The following CDH12 variants were observed in gnomAD, a reference collection of about 807,000 sequenced individuals.
CDH12 encodes cadherin 12, also known as cadherin-12.
CDH12 carries 41 observed loss-of-function variants against 74.1 expected under a neutral mutation model. The ratio of observed to expected loss-of-function variants is 0.55; its 90% CI spans 0.43 to 0.72. The LOEUF (loss-of-function observed/expected upper bound fraction) is 0.72. Among genes scored for constraint, CDH12 ranks in the 30% least tolerant of loss-of-function variants. The pLI, the probability that CDH12 is intolerant of heterozygous loss-of-function variation, is 0.00. For synonymous variants in CDH12, 399 were observed against 355.0 expected, an observed-to-expected ratio of 1.12 and a Z score of -1.39; for missense variants, 945 against 977.2, an observed-to-expected ratio of 0.97 and a Z score of 0.44.
chr5:22,030,113 T>TGGGG (rs1738708331), intron 5 of CDH12, among the ~76,000 whole-genome samples: 1 of 18,994 alleles, frequency 5.3e-5, no homozygotes. Context: ...GGGACGGTTG[T>TGGGG]GGGGTGGGGG....
At chr5:22,720,053 C>A (rs993532069) in intron 1 of CDH12, among the ~76,000 whole-genome samples, 1 of 151,738 alleles carries the variant, frequency 6.6e-6, no homozygotes, top group Non-Finnish European at 1.5e-5. Context: ...CACACACACA[C>A]ACACACAGAA....
chr5:22,173,359 A>G (rs532847534), intron 4 of CDH12, among the ~76,000 whole-genome samples: 2,368 of 146,668 alleles, frequency 0.016, 28 homozygotes, highest in Non-Finnish European at 0.021. Flanking sequence ...TGAAATTTAT[A>G]TAATTATAAT....
intron 4 of CDH12, among the ~76,000 whole-genome samples, chr5:22,102,618 C>T (rs1237566736): frequency 1.3e-5 from 2 of 151,818 alleles, no homozygotes; most frequent in Non-Finnish European, 2.9e-5. Flanking sequence ...GCAGTCATCG[C>T]GTCACTGCAT....
intron 3 of CDH12, among the ~76,000 whole-genome samples, chr5:22,244,296 T>A (rs189946815): frequency 6.6e-6 from 1 of 151,686 alleles, no homozygotes; most frequent in African/African-American, 2.4e-5. Context: ...TCGAGCCCAG[T>A]CTGACTAACA....
At chr5:22,218,532 T>C (rs566740695) in intron 3 of CDH12, among the ~76,000 whole-genome samples, 41 of 151,928 alleles carry the variant, frequency 2.7e-4, no homozygotes, top group African/African-American at 9.6e-4. Context: ...TATGGAAATT[T>C]ATCTGTAATG....
intron 1 of CDH12, among the ~76,000 whole-genome samples, chr5:22,761,557 C>T (rs1561012588): frequency 6.6e-6 from 1 of 152,092 alleles, no homozygotes; most frequent in South Asian, 2.1e-4. Flanking sequence ...TATGCCAAAT[C>T]TCCTATGAAG....
intron 1 of CDH12, among the ~76,000 whole-genome samples, chr5:22,775,796 G>A (rs1378501188): frequency 2.0e-5 from 3 of 151,846 alleles, no homozygotes; most frequent in Non-Finnish European, 2.9e-5. Context: ...CTGTGTCCCC[G>A]CCCAGCTCTC....
intron 3 of CDH12, among the ~76,000 whole-genome samples, chr5:22,321,673 C>T (rs1283163158): frequency 1.3e-5 from 2 of 151,924 alleles, no homozygotes; most frequent in Non-Finnish European, 2.9e-5. Flanking sequence ...AAAAGAAAGG[C>T]ATCACTATAC....
At chr5:21,804,522 G>A (rs1243747338) in intron 9 of CDH12, among the ~76,000 whole-genome samples, 1 of 152,012 alleles carries the variant, frequency 6.6e-6, no homozygotes, top group Non-Finnish European at 1.5e-5. Context: ...ACATTACTTA[G>A]GATTATTCTT....
intron 5 of CDH12, among the ~76,000 whole-genome samples, chr5:22,000,916 A>G (rs532522895): frequency 7.2e-5 from 11 of 152,202 alleles, no homozygotes; most frequent in Non-Finnish European, 1.5e-4. Flanking sequence ...GTTTACTTAC[A>G]TTATTAGAAA....
At chr5:21,881,065 A>G (rs944297108) in intron 6 of CDH12, among the ~76,000 whole-genome samples, 2 of 152,134 alleles carry the variant, frequency 1.3e-5, no homozygotes, top group Non-Finnish European at 2.9e-5. Flanking sequence ...CTATTAAGTG[A>G]CCACTATTTT....
intron 1 of CDH12, among the ~76,000 whole-genome samples, chr5:22,753,933 T>C (rs892256896): frequency 4.6e-5 from 7 of 152,282 alleles, no homozygotes; most frequent in Admixed American, 2.6e-4. Flanking sequence ...TATTCCTTCA[T>C]TTTTCCTCTT....
At chr5:22,757,719 G>C (rs1337125599) in intron 1 of CDH12, among the ~76,000 whole-genome samples, 1 of 152,070 alleles carries the variant, frequency 6.6e-6, no homozygotes, top group Non-Finnish European at 1.5e-5. Context: ...ATAATCCTTA[G>C]TGACCTTGGA....
chr5:22,482,265 TC>T (rs1300365604), intron 2 of CDH12, among the ~76,000 whole-genome samples: 2 of 152,102 alleles, frequency 1.3e-5, no homozygotes, highest in Non-Finnish European at 2.9e-5. Flanking sequence ...CCAGTAGACT[TC>T]CTCATATATT....
intron 1 of CDH12, among the ~76,000 whole-genome samples, chr5:22,554,570 T>C (rs1402101057): frequency 6.6e-6 from 1 of 152,150 alleles, no homozygotes; most frequent in East Asian, 1.9e-4. Context: ...AGGATGGTTA[T>C]GGAATGAAGG....
At position 22,521,179 on chromosome 5, in the gene CDH12, A is replaced by G. The variant is rs1227600614; in HGVS notation, c.-522-15815T>C. 2.6e-5 allele frequency among the ~76,000 whole-genome samples: 4 copies of G among 152,096 alleles called. No homozygotes were observed. The South Asian group carries it at 8.3e-4, about 32-fold the overall frequency. ...CTTATCAGTTGGAATTCTAAACTGT[A>G]TATTTGTAACTTAATGGGCAATTGG... On this transcript the variant is annotated intron_variant, in intron 1 of 14. Transcript: ENST00000382254.
At chr5:22,302,061 T>C (rs1057410836) in intron 3 of CDH12, among the ~76,000 whole-genome samples, 4 of 151,780 alleles carry the variant, frequency 2.6e-5, no homozygotes, top group African/African-American at 9.7e-5. Context: ...AAAAATTAAA[T>C]ACATAAAATA....
chr5:21,822,049 C>T (rs748729926), intron 8 of CDH12, among the ~76,000 whole-genome samples: 3 of 151,820 alleles, frequency 2.0e-5, no homozygotes, highest in Non-Finnish European at 4.4e-5. Context: ...CTCTGTGACC[C>T]TGGGCAAAAT....
rs537966520 is a variant in CDH12, at chr5:22,184,243, A to G, written c.-187+28255T>C. ...ATGTAACACATGCCTAAGAGATAAT[A>G]AAGTTATTCTTGATAGAGTCCTAGA... On this transcript the variant is annotated intron_variant, in intron 4 of 14. Transcript: ENST00000382254. Among the ~76,000 whole-genome samples, 4 of 152,322 alleles carry G rather than the reference A, an allele frequency of 2.6e-5. No individual in the cohort carries two copies. In the South Asian group the frequency reaches 8.3e-4, roughly 32 times the overall value.
Sources: allele counts gnomAD v4.1 joint callset (sites outside exome capture counted in the v4.1 genomes callset), GRCh38; gene constraint gnomAD v4.1.1; transcripts MANE v1.5; gene names NCBI Gene and HGNC (gene_info 2026-07-23, HGNC 2026-07-21).